The following TJP1 variants were observed in gnomAD, a reference collection of about 807,000 sequenced individuals.
TJP1 encodes the protein tight junction protein 1, also known as tight junction protein ZO-1.
A neutral mutation model predicts 194.2 loss-of-function variants in TJP1; 43 were observed. The ratio of observed to expected loss-of-function variants is 0.22; its 90% confidence interval spans 0.17 to 0.29. The LOEUF is 0.29. Among genes scored for constraint, TJP1 ranks in the 10% least tolerant of loss-of-function variants. The pLI, the probability that TJP1 is intolerant of heterozygous loss-of-function variation, is 1.00. For synonymous variants in TJP1, 801 were observed against 779.0 expected (o/e 1.03, Z -0.47); for missense variants, 1,971 against 2,185.7 (o/e 0.90, Z 1.96).
At chr15:29,903,973 G>A (rs2053720886) in intron 2 of TJP1, among the ~76,000 whole-genome samples, 1 of 152,146 alleles carries the variant, frequency 6.6e-6, no homozygotes, top group African/African-American at 2.4e-5. Flanking sequence ...AAGCACAAGT[G>A]CCTGGAGGCA....
chr15:29,919,674 G>A (rs2054295595), intron 2 of TJP1, among the ~76,000 whole-genome samples: 1 of 152,156 alleles, frequency 6.6e-6, no homozygotes, highest in Admixed American at 6.5e-5. Context: ...TTGGGGGTCT[G>A]GAGAGAGAGC....
chr15:29,890,099 G>A (rs2152156545), intron 2 of TJP1, among the ~76,000 whole-genome samples: 1 of 152,248 alleles, frequency 6.6e-6, no homozygotes, highest in East Asian at 1.9e-4. Context: ...GCCCCGATCA[G>A]CAAAACAAAA....
At chr15:29,959,168 T>G (rs1285865176) in intron 1 of TJP1, among the ~76,000 whole-genome samples, 1 of 151,910 alleles carries the variant, frequency 6.6e-6, no homozygotes, top group Non-Finnish European at 1.5e-5. Context: ...TTTCTGTATT[T>G]TTAGTAGAGA....
At chr15:29,864,293 C>G (rs2052221808) in intron 2 of TJP1, among the ~76,000 whole-genome samples, 1 of 141,894 alleles carries the variant, frequency 7.0e-6, no homozygotes, top group African/African-American at 2.6e-5. Flanking sequence ...TGCCTGTAAT[C>G]CCAGCTACTT....
chr15:29,926,344 G>A (rs1257043881), intron 2 of TJP1, among the ~76,000 whole-genome samples: 1 of 152,210 alleles, frequency 6.6e-6, no homozygotes, highest in East Asian at 1.9e-4. Flanking sequence ...AGGCGCAGAA[G>A]CTCACACTTG....
At chr15:29,742,506 A>C in intron 9 of TJP1, 136 bp downstream of exon 9, 1 of 996,178 alleles carries the variant, frequency 1.0e-6, no homozygotes, top group Non-Finnish European at 1.4e-6. Flanking sequence ...CATAAGGAAA[A>C]CGCTGGAAGT....
intron 2 of TJP1, among the ~76,000 whole-genome samples, chr15:29,852,660 A>G (rs1049869634): frequency 6.6e-6 from 1 of 152,170 alleles, no homozygotes; most frequent in Non-Finnish European, 1.5e-5. Context: ...CTGTAATCCC[A>G]CACTTTGGGA....
At chr15:29,867,834 T>C (rs1468541973) in intron 2 of TJP1, among the ~76,000 whole-genome samples, 6 of 152,098 alleles carry the variant, frequency 3.9e-5, no homozygotes, top group African/African-American at 1.2e-4. Flanking sequence ...GGTAGGCAGA[T>C]TGCTTCAGCC....
intron 1 of TJP1, among the ~76,000 whole-genome samples, chr15:29,807,561 T>C (rs532799892): frequency 2.6e-5 from 4 of 152,294 alleles, no homozygotes; most frequent in Non-Finnish European, 4.4e-5. Context: ...TATATCTTTT[T>C]GCATAACTCT....
chr15:29,918,833 T>C (rs541738217), intron 2 of TJP1, among the ~76,000 whole-genome samples: 2 of 151,898 alleles, frequency 1.3e-5, no homozygotes, highest in South Asian at 2.1e-4. Context: ...AGATCAAACA[T>C]AGTAGAGAAA....
intron 2 of TJP1, among the ~76,000 whole-genome samples, chr15:29,864,340 G>A (rs785439): frequency 0.38 from 56,565 of 150,310 alleles, 11,250 homozygotes; most frequent in African/African-American, 0.51. Flanking sequence ...GAACCCGGGA[G>A]TCAGTACCCT....
intron 2 of TJP1, among the ~76,000 whole-genome samples, chr15:29,846,349 C>A (rs894232194): frequency 6.6e-6 from 1 of 152,168 alleles, no homozygotes; most frequent in African/African-American, 2.4e-5. Flanking sequence ...TCAGGCCCTG[C>A]ACCTATGCTG....
intron 2 of TJP1, among the ~76,000 whole-genome samples, chr15:29,829,687 TATA>T (rs2050778778): frequency 6.8e-6 from 1 of 147,286 alleles, no homozygotes. Context: ...TCCCCCAGAG[TATA>T]ATGTTTGCAT....
chr15:29,827,991 C>T lies in TJP1; in HGVS notation c.307-27289G>A, dbSNP rs574056385. Among the ~76,000 whole-genome samples, 42 of 152,182 alleles carry T rather than the reference C, an allele frequency of 2.8e-4. 1 individual carries two copies. Among genetic ancestry groups the T allele is most frequent in the Non-Finnish European group, 4.7e-4 (32 of 68,040 alleles). The stretch of plus-strand genomic sequence containing the variant: ...TTCACAAGTAATACTGGCATACAGT[C>T]CTTCTGTAAAAGATTCATGCAATTG... On this transcript the variant is annotated intron_variant, in intron 2 of 28. Coordinates refer to the TJP1 transcript ENST00000356107.
At position 29,720,200 on chromosome 15, in the gene TJP1, C is replaced by T. The variant is rs937737934; in HGVS notation, c.2763+158G>A. On this transcript the variant is annotated intron_variant, in intron 19 of 27. Coordinates refer to ENST00000614355, the MANE Select transcript of TJP1 (RefSeq NM_001330239.4). ...ACATTGCTGTGTTAAGACAAACACA[C>T]AAAATTTAGAATTAAGCCCTTGGTA... is the stretch of plus-strand genomic sequence containing the variant. 5.4e-6 allele frequency: 6 copies of T among 1,120,576 alleles called. No individual in the cohort carries two copies. The East Asian group carries it at 1.2e-4, about 23-fold the overall frequency. 69.4% of individuals were successfully genotyped at this position (1,120,576 alleles called of 1,614,324 possible). A position where few individuals can be genotyped will look rare whatever the true frequency, so the allele number is the denominator to read the frequency against.
chr15:29,857,484 CG>C (rs2051904132), intron 2 of TJP1, among the ~76,000 whole-genome samples: 1 of 152,080 alleles, frequency 6.6e-6, no homozygotes, highest in African/African-American at 2.4e-5. Flanking sequence ...TTACGTGGAT[CG>C]GGCCTCAAGC....
intron 1 of TJP1, among the ~76,000 whole-genome samples, chr15:29,966,818 A>G (rs932063120): frequency 1.3e-5 from 2 of 152,170 alleles, no homozygotes; most frequent in Non-Finnish European, 2.9e-5. Flanking sequence ...AATGGGAGAT[A>G]TGACTGCTGG....
chr15:29,956,429 G>A (rs2055945262), intron 1 of TJP1: 3 of 1,232,198 alleles, frequency 2.4e-6, no homozygotes, highest in Non-Finnish European at 3.1e-6. Flanking sequence ...TCAAGTTTGA[G>A]GTAAGCATTT....
intron 25 of TJP1, among the ~76,000 whole-genome samples, chr15:29,705,996 A>G (rs578254762): frequency 6.6e-6 from 1 of 152,242 alleles, no homozygotes; most frequent in East Asian, 1.9e-4. Context: ...CAGTGGCACA[A>G]TCTTGGTTCA....
Sources: gnomAD v4.1 joint callset for allele counts (sites outside exome capture counted in the v4.1 genomes callset) on GRCh38, gnomAD v4.1.1 for gene constraint, MANE v1.5 for transcripts, NCBI Gene and HGNC (gene_info 2026-07-23, HGNC 2026-07-21) for gene names.